Variants in ADGRD1 observed in about 807,000 individuals in gnomAD.
The protein encoded by ADGRD1 is G-protein coupled receptor 133.
ADGRD1 carries 77 observed loss-of-function variants against 113.4 expected under a neutral mutation model. The observed-to-expected ratio is 0.68, with a 90% CI of 0.57 to 0.82. The LOEUF is 0.82. ADGRD1 is among the 40% of genes least tolerant of loss of function. The pLI is 0.00. For synonymous variants in ADGRD1, 474 were observed against 475.0 expected (o/e 1.00, Z 0.03); for missense variants, 1,036 against 1,139.1 (o/e 0.91, Z 1.30).
intron 20 of ADGRD1, among the ~76,000 whole-genome samples, chr12:131,128,707 G>C (rs1263215128): frequency 6.6e-6 from 1 of 152,144 alleles, no homozygotes; most frequent in African/African-American, 2.4e-5. Context: ...TGCAGATAGG[G>C]GGACTGTAAC....
chr12:131,109,724 C>T (rs1474861938), intron 18 of ADGRD1, among the ~76,000 whole-genome samples: 1 of 152,188 alleles, frequency 6.6e-6, no homozygotes, highest in Non-Finnish European at 1.5e-5. Flanking sequence ...ATGGAGTGGT[C>T]TACAGATACC....
intron 13 of ADGRD1, among the ~76,000 whole-genome samples, chr12:131,018,716 C>T (rs1198381680): frequency 2.6e-5 from 4 of 152,194 alleles, no homozygotes; most frequent in South Asian, 2.1e-4. Context: ...TTTTGCTTAA[C>T]GCTGTTTAGT....
In ADGRD1 at chr12:131,060,526, A is replaced by G. The variant is rs1013023826; in HGVS notation, c.1474-16275A>G. On this transcript the variant is annotated intron_variant, in intron 13 of 24. Transcript: ENST00000261654. The surrounding 1 kb of genome is among the most constrained non-coding windows in gnomAD (Gnocchi z 4.4). ...GGGTCACACCATGCAGAGACTGGCC[A>G]AGTCAGTCCTGGGTGACAGAGGCCG... Among the ~76,000 whole-genome samples, 1 of 152,194 alleles carries G rather than the reference A, an allele frequency of 6.6e-6. No individual in the cohort carries two copies. Among genetic ancestry groups the G allele is most frequent in the Non-Finnish European group, 1.5e-5 (1 of 68,026 alleles).
At chr12:130,994,176 G>T in intron 8 of ADGRD1, 1 of 401,848 alleles carries the variant, frequency 2.5e-6, no homozygotes, top group Non-Finnish European at 5.2e-6. Flanking sequence ...CGGGGTGTTG[G>T]GTGGAAAGAG....
Position 131,004,182 on chromosome 12 carries a change from G to A in ADGRD1, c.1145-4G>A, listed in dbSNP as rs200140944. On this transcript the variant is annotated splice_region_variant and splice_polypyrimidine_tract_variant and intron_variant, in intron 10 of 24. Transcript: ENST00000261654. ...CTTCCGCTCTCTCGCTCCTTCCACC[G>A]CAGAGTTTTCCGTGGCCAAAATCCT... 2.8e-4 allele frequency: 442 copies of A among 1,597,658 alleles called. No homozygotes were observed. The African/African-American group carries it at 4.9e-3, about 18-fold the overall frequency.
chr12:130,988,900 C>G (rs79362422), intron 6 of ADGRD1: 13,722 of 153,034 alleles, frequency 0.09, 796 homozygotes, highest in Middle Eastern at 0.15. Flanking sequence ...GCTTAGGTCT[C>G]TGTCATAGTC....
intron 15 of ADGRD1, among the ~76,000 whole-genome samples, chr12:131,087,447 C>T (rs948436710): frequency 6.6e-6 from 1 of 152,212 alleles, no homozygotes; most frequent in African/African-American, 2.4e-5. Flanking sequence ...TTCCATGCCG[C>T]AGGGTCCCCC....
At position 131,113,865 on chromosome 12, in the gene ADGRD1, C is replaced by G. The variant is rs867089120; in HGVS notation, c.2042-4520C>G. On this transcript the variant is annotated intron_variant, in intron 18 of 24. Transcript: ENST00000261654. This position sits in a 1 kb window ranked among gnomAD's most constrained non-coding sequence, Gnocchi z 4.9. ...TGACGCCCCAGAGAGGAGAGCTGCTCCTTCTGATGATATCTGACCTCATCA... is the reference window on the plus strand; with the variant it reads ...TGACGCCCCAGAGAGGAGAGCTGCTGCTTCTGATGATATCTGACCTCATCA... Among the ~76,000 whole-genome samples the G allele has an allele frequency of 6.6e-6, 1 of 152,222 alleles. No individual in the cohort carries two copies. The highest frequency in any genetic ancestry group is 1.5e-5 in the Non-Finnish European group (1 of 68,040).
At chr12:131,071,640 C>A (rs1473600621) in intron 13 of ADGRD1, among the ~76,000 whole-genome samples, 1 of 152,212 alleles carries the variant, frequency 6.6e-6, no homozygotes, top group Admixed American at 6.5e-5. Flanking sequence ...TGCTGCTGGG[C>A]CACAGAGGGC....
intron 2 of ADGRD1, among the ~76,000 whole-genome samples, chr12:130,960,293 C>G (rs944204568): frequency 6.6e-6 from 1 of 152,184 alleles, no homozygotes; most frequent in African/African-American, 2.4e-5. Context: ...GCTCACTTCA[C>G]CCGCTCTATT....
intron 20 of ADGRD1, among the ~76,000 whole-genome samples, chr12:131,128,040 G>A (rs111433678): frequency 8.1e-6 from 1 of 124,026 alleles, no homozygotes; most frequent in African/African-American, 3.4e-5. Flanking sequence ...TGGGGTGTTG[G>A]TTGGGTTGGT....
chr12:131,010,930 C>G (rs1023736548), intron 12 of ADGRD1, among the ~76,000 whole-genome samples: 2 of 152,164 alleles, frequency 1.3e-5, no homozygotes, highest in Admixed American at 6.5e-5. Flanking sequence ...CCTGGCCCCA[C>G]TATCTGCTCC....
At chr12:131,123,715 G>A (rs988659183) in intron 20 of ADGRD1, among the ~76,000 whole-genome samples, 6 of 152,070 alleles carry the variant, frequency 3.9e-5, no homozygotes, top group South Asian at 2.1e-4. Flanking sequence ...CCAGCTACTC[G>A]GGAGGCTGAG....
At chr12:131,118,108 C>T (rs942875243) in intron 18 of ADGRD1, among the ~76,000 whole-genome samples, 2 of 152,232 alleles carry the variant, frequency 1.3e-5, no homozygotes, top group Admixed American at 1.3e-4. Context: ...ACATCTCACC[C>T]ACATGGTTTG....
At chr12:131,130,234 C>T (rs1310591825) in intron 20 of ADGRD1, among the ~76,000 whole-genome samples, 1 of 152,234 alleles carries the variant, frequency 6.6e-6, no homozygotes, top group African/African-American at 2.4e-5. Context: ...CCTTTGGACA[C>T]TTCTGTTATT....
rs1482834789 is a variant in ADGRD1 at position 131,136,169 on chromosome 12, A to G, written c.2394+6A>G. The G allele has an allele frequency of 1.2e-6, 2 of 1,613,840 alleles. No homozygotes were observed. The highest frequency in any genetic ancestry group is 1.7e-6 in the Non-Finnish European group (2 of 1,179,922). On this transcript the variant is annotated splice_donor_region_variant and intron_variant, in intron 22 of 24. Coordinates refer to ENST00000261654, the MANE Select transcript of ADGRD1 (RefSeq NM_198827.5). The stretch of plus-strand genomic sequence containing the variant: ...CCACGCTCAACTCCCTGCAGGTGAG[A>G]GCCGCGGGGACTGGCGGGGAGGCAG...
chr12:131,072,124 C>T (rs915867748), intron 13 of ADGRD1, among the ~76,000 whole-genome samples: 10 of 151,282 alleles, frequency 6.6e-5, no homozygotes, highest in African/African-American at 7.3e-5. Context: ...CATGCCTCTC[C>T]GGCTTGCAGG....
chr12:131,100,245 G>A (rs1313885828), intron 15 of ADGRD1, among the ~76,000 whole-genome samples: 1 of 151,992 alleles, frequency 6.6e-6, no homozygotes, highest in Non-Finnish European at 1.5e-5. Context: ...GTTGATAGTG[G>A]ATTACTTGAA....
At chr12:130,993,371 A>C (rs1309122786) in intron 8 of ADGRD1, among the ~76,000 whole-genome samples, 1 of 107,374 alleles carries the variant, frequency 9.3e-6, no homozygotes, top group Non-Finnish European at 2.0e-5. Context: ...GACTTCTCAG[A>C]TTTCATTCAT....
Sources: gnomAD v4.1 joint callset for allele counts (sites outside exome capture counted in the v4.1 genomes callset) on GRCh38, gnomAD v4.1.1 for gene constraint, Gnocchi (gnomAD v3.1) non-coding constraint, MANE v1.5 for transcripts, NCBI Gene and HGNC (gene_info 2026-07-23, HGNC 2026-07-21) for gene names.